INPP4B: variants seen among roughly 807,000 people sequenced by gnomAD.
INPP4B encodes the protein inositol polyphosphate-4-phosphatase type II B, also known as inositol polyphosphate 4-phosphatase type II.
A neutral mutation model predicts 122.5 loss-of-function variants in INPP4B; 55 were observed. The observed-to-expected ratio is 0.45, with a 90% CI of 0.36 to 0.56. INPP4B has a LOEUF of 0.56. Among genes scored for constraint, INPP4B ranks in the 20% least tolerant of loss-of-function variants. The pLI, the probability that INPP4B is intolerant of heterozygous loss-of-function variation, is 0.00. For synonymous variants in INPP4B, 403 were observed against 388.7 expected (o/e 1.04, Z -0.43); for missense variants, 1,000 against 1,097.7 (o/e 0.91, Z 1.26).
intron 17 of INPP4B, among the ~76,000 whole-genome samples, chr4:142,158,982 A>G (rs1375931523): frequency 2.0e-5 from 3 of 152,054 alleles, no homozygotes; most frequent in African/African-American, 7.2e-5. Context: ...CACAATCCAC[A>G]TTGTATGACA....
chr4:142,527,016 C>T (rs967293121), intron 2 of INPP4B, among the ~76,000 whole-genome samples: 7 of 151,980 alleles, frequency 4.6e-5, no homozygotes, highest in African/African-American at 1.7e-4. Context: ...AATTCATCTA[C>T]AACCACAGCT....
chr4:142,545,812 TAC>T (rs1829564560), intron 2 of INPP4B, among the ~76,000 whole-genome samples: 3 of 65,362 alleles, frequency 4.6e-5, no homozygotes, highest in Admixed American at 1.7e-4. Context: ...TATACACATA[TAC>T]ATGTGTGTAT....
intron 25 of INPP4B, among the ~76,000 whole-genome samples, chr4:142,049,608 G>C (rs1188337434): frequency 6.6e-6 from 1 of 151,702 alleles, no homozygotes; most frequent in African/African-American, 2.4e-5. Flanking sequence ...AACTGTAAAG[G>C]GATAGGAAGA....
intron 25 of INPP4B, chr4:142,030,291 T>G: frequency 6.5e-7 from 1 of 1,535,074 alleles, no homozygotes. Context: ...CAGTGCTCCC[T>G]GGGTTTGTCT....
At chr4:142,720,778 T>TATATATA (rs1350928895) in intron 2 of INPP4B, among the ~76,000 whole-genome samples, 6 of 14,758 alleles carry the variant, frequency 4.1e-4, no homozygotes, top group Admixed American at 1.1e-3. Context: ...TCTCTCTCTC[T>TATATATA]CTCTCTCTCT....
rs1737601769 is a variant in INPP4B at position 142,028,113 on chromosome 4, C to T, written c.*669G>A. 1 of 228,630 alleles carries T rather than the reference C, an allele frequency of 4.4e-6. No individual in the cohort carries two copies. Among genetic ancestry groups the T allele is most frequent in the African/African-American group, 2.2e-5 (1 of 45,032 alleles). The allele number at this position is 228,630 out of a possible 1,614,324, so 14.2% of individuals were successfully genotyped here. On this transcript the variant is annotated 3_prime_UTR_variant, in exon 26 of 26. Transcript: ENST00000262992. ...TACATTCACAGCTAGATCACACAACCCAAGTCAGAGTTCTGAAAAGATGCC... is the reference window on the plus strand; with the variant it reads ...TACATTCACAGCTAGATCACACAACTCAAGTCAGAGTTCTGAAAAGATGCC...
At chr4:142,223,282 C>G (rs1013830165) in intron 12 of INPP4B, among the ~76,000 whole-genome samples, 2 of 151,990 alleles carry the variant, frequency 1.3e-5, no homozygotes, top group African/African-American at 4.8e-5. Flanking sequence ...GTAGCTCTGC[C>G]AGACAAATGA....
At chr4:142,713,470 TTGTTG>T (rs1763364440) in intron 2 of INPP4B, among the ~76,000 whole-genome samples, 1 of 152,132 alleles carries the variant, frequency 6.6e-6, no homozygotes. Flanking sequence ...AAGCGAAAGA[TTGTTG>T]TGGATCAAAG....
At chr4:142,700,605 A>G (rs1006674260) in intron 2 of INPP4B, among the ~76,000 whole-genome samples, 10 of 152,200 alleles carry the variant, frequency 6.6e-5, no homozygotes, top group African/African-American at 2.4e-4. Context: ...CTTATTTAAG[A>G]AAACAGCTAG....
At chr4:142,747,954 T>C (rs949868136) in intron 1 of INPP4B, among the ~76,000 whole-genome samples, 3 of 152,114 alleles carry the variant, frequency 2.0e-5, no homozygotes, top group African/African-American at 7.2e-5. Context: ...CAAACCACCA[T>C]GGCACGTGTA....
intron 7 of INPP4B, among the ~76,000 whole-genome samples, chr4:142,367,369 C>A (rs1486087023): frequency 6.6e-6 from 1 of 152,034 alleles, no homozygotes; most frequent in African/African-American, 2.4e-5. Context: ...TCAGCTTTCA[C>A]ACACAGTTAC....
At chr4:142,433,648 G>A (rs1050882513) in intron 3 of INPP4B, among the ~76,000 whole-genome samples, 1 of 152,120 alleles carries the variant, frequency 6.6e-6, no homozygotes, top group Admixed American at 6.5e-5. Flanking sequence ...AACACACATC[G>A]AAAAATTGGA....
intron 1 of INPP4B, among the ~76,000 whole-genome samples, chr4:142,809,990 T>G (rs1779303242): frequency 6.6e-6 from 1 of 151,996 alleles, no homozygotes; most frequent in Non-Finnish European, 1.5e-5. Flanking sequence ...GCCATCATCT[T>G]GAACCTTTGT....
At chr4:142,288,719 TCTCTGAAA>T (rs1755005544) in intron 9 of INPP4B, among the ~76,000 whole-genome samples, 1 of 152,236 alleles carries the variant, frequency 6.6e-6, no homozygotes, top group Non-Finnish European at 1.5e-5. Flanking sequence ...TTTTTCTTTT[TCTCTGAAA>T]CATAACAGCG....
intron 1 of INPP4B, among the ~76,000 whole-genome samples, chr4:142,750,585 G>A (rs941098741): frequency 1.3e-5 from 2 of 152,084 alleles, no homozygotes; most frequent in Non-Finnish European, 2.9e-5. Context: ...CACTAAGAAA[G>A]TGGCACATAA....
intron 1 of INPP4B, among the ~76,000 whole-genome samples, chr4:142,735,597 A>T (rs974808356): frequency 1.3e-5 from 2 of 152,140 alleles, no homozygotes; most frequent in Non-Finnish European, 2.9e-5. Flanking sequence ...CAAAAGTAAG[A>T]TTTGAAGGCA....
chr4:142,689,505 T>C (rs139648508), intron 2 of INPP4B, among the ~76,000 whole-genome samples: 1 of 152,340 alleles, frequency 6.6e-6, no homozygotes, highest in East Asian at 1.9e-4. Flanking sequence ...GAATTGCCCA[T>C]GATAACCTTT....
At position 142,318,864 on chromosome 4, in the gene INPP4B, A is replaced by C. The variant is rs1396905124; in HGVS notation, c.373-4102T>G. ...TCCTATAGACTACTTCACAAATCTTAATTGTTCCCAACAAGAGGCTGCTTC... is the reference window on the plus strand; with the variant it reads ...TCCTATAGACTACTTCACAAATCTTCATTGTTCCCAACAAGAGGCTGCTTC... On this transcript the variant is annotated intron_variant, in intron 7 of 25. Coordinates refer to ENST00000262992, the MANE Select transcript of INPP4B (RefSeq NM_001101669.3). Among the ~76,000 whole-genome samples the C allele has an allele frequency of 3.3e-5, 5 of 152,280 alleles. No individual in the cohort carries two copies. In the East Asian group the frequency reaches 9.7e-4, roughly 29 times the overall value.
At chr4:142,734,802 C>T (rs561223962) in intron 1 of INPP4B, among the ~76,000 whole-genome samples, 11 of 152,224 alleles carry the variant, frequency 7.2e-5, no homozygotes, top group African/African-American at 2.2e-4. Context: ...TGCGCCAGCA[C>T]GCCCAGCTAA....
Sources: allele counts gnomAD v4.1 joint callset (sites outside exome capture counted in the v4.1 genomes callset), GRCh38; gene constraint gnomAD v4.1.1; transcripts MANE v1.5; gene names NCBI Gene and HGNC (gene_info 2026-07-23, HGNC 2026-07-21).